Variants in CLINT1 observed in about 807,000 individuals in gnomAD.
The protein encoded by CLINT1 is clathrin interacting protein localized in the trans-Golgi region.
Under a neutral mutation model 70.4 loss-of-function variants are expected in CLINT1, and 15 were observed. That is an observed-to-expected ratio of 0.21 (90% CI 0.14 to 0.33). CLINT1 has a LOEUF of 0.33. Ranked by LOEUF, CLINT1 falls within the 10% of genes least tolerant of loss-of-function variation. The pLI is 1.00. For missense variants in CLINT1, 615 were observed against 778.1 expected, an observed-to-expected ratio of 0.79 and a Z score of 2.49; for synonymous variants, 227 against 254.7, an observed-to-expected ratio of 0.89 and a Z score of 1.04.
intron 8 of CLINT1, among the ~76,000 whole-genome samples, chr5:157,799,240 A>G (rs1762146229): frequency 6.6e-6 from 1 of 152,126 alleles, no homozygotes; most frequent in African/African-American, 2.4e-5. Context: ...TTTTATTTTC[A>G]GTAAACTTAG....
chr5:157,847,808 C>T (rs1200209564), intron 1 of CLINT1, among the ~76,000 whole-genome samples: 2 of 152,110 alleles, frequency 1.3e-5, no homozygotes, highest in Non-Finnish European at 2.9e-5. Context: ...AAAATGACAA[C>T]AAAGATTTTT....
chr5:157,805,726 A>T (rs1581490160), intron 7 of CLINT1, 140 bp downstream of exon 7: 2 of 1,027,898 alleles, frequency 1.9e-6, no homozygotes, highest in East Asian at 2.6e-5. Context: ...CTTATTATTA[A>T]TGTCTCTTGG....
rs1374581958 is a variant in CLINT1, at chr5:157,787,428, G to A, written c.*218C>T. 1.7e-6 allele frequency: 1 copy of A among 580,316 alleles called. No individual in the cohort carries two copies. The highest frequency in any genetic ancestry group is 3.1e-5 in the Admixed American group (1 of 32,364). 35.9% of individuals were successfully genotyped at this position (580,316 alleles called of 1,614,324 possible). A position where few individuals can be genotyped will look rare whatever the true frequency, so the allele number is the denominator to read the frequency against. On this transcript the variant is annotated 3_prime_UTR_variant, in exon 12 of 12. Coordinates refer to ENST00000411809, the MANE Select transcript of CLINT1 (RefSeq NM_014666.4). ...ACCCACTTGTGGTCTATCCTCACTG[G>A]AAAAAAATGATTTTGACTGCCTCAT...
At chr5:157,830,792 C>CTATATATATA (rs1401102671) in intron 1 of CLINT1, among the ~76,000 whole-genome samples, 2 of 116,450 alleles carry the variant, frequency 1.7e-5, no homozygotes, top group African/African-American at 7.1e-5. Flanking sequence ...CTCTCTCTCT[C>CTATATATATA]TCTCTATATA....
Position 157,787,020 on chromosome 5 carries a change from A to AAG in CLINT1, c.*624_*625dup, listed in dbSNP as rs1049192148. 6.5e-6 allele frequency: 1 copy of AAG among 152,716 alleles called. No individual in the cohort carries two copies. The highest frequency in any genetic ancestry group is 2.4e-5 in the African/African-American group (1 of 41,460). The allele number at this position is 152,716 out of a possible 1,614,324, so 9.5% of individuals were successfully genotyped here. Reference sequence around the variant, plus strand: ...TCCCATGGCAATCACCAATTGCTTAAAGAGGTTTTGTTACAATAAAAATTT... The same window carrying AAG: ...TCCCATGGCAATCACCAATTGCTTAAAGAGAGGTTTTGTTACAATAAAAATTT... On this transcript the variant is annotated 3_prime_UTR_variant, in exon 12 of 12. Transcript: ENST00000411809.
chr5:157,843,736 T>C (rs534386502), intron 1 of CLINT1, among the ~76,000 whole-genome samples: 50 of 152,280 alleles, frequency 3.3e-4, no homozygotes, highest in Admixed American at 7.8e-4. Context: ...ATCTTGTTCC[T>C]CAGGACAACA....
chr5:157,794,984 G>GA lies in CLINT1; in HGVS notation c.1013-13dup, dbSNP rs377172414. The GA allele has an allele frequency of 1.3e-4, 208 of 1,549,282 alleles. No homozygotes were observed. In the African/African-American group the frequency reaches 2.5e-3, roughly 19 times the overall value. Reference sequence around the variant, plus strand: ...ATCAGCTGATCCTCCTAGAAGTTAAGAAAAAGTTAAAACTGTTAGAACTAG... The same window carrying GA: ...ATCAGCTGATCCTCCTAGAAGTTAAGAAAAAAGTTAAAACTGTTAGAACTAG... On this transcript the variant is annotated splice_polypyrimidine_tract_variant and intron_variant, in intron 8 of 11. Coordinates refer to ENST00000411809, the MANE Select transcript of CLINT1 (RefSeq NM_014666.4).
chr5:157,820,822 A>G (rs1369076962), intron 1 of CLINT1, among the ~76,000 whole-genome samples: 1 of 152,206 alleles, frequency 6.6e-6, no homozygotes, highest in African/African-American at 2.4e-5. Flanking sequence ...ATGTTTTAAG[A>G]ATATATCACA....
At chr5:157,795,181 T>C (rs1015426380) in intron 8 of CLINT1, 5 of 539,518 alleles carry the variant, frequency 9.3e-6, no homozygotes, top group Non-Finnish European at 1.6e-5. Flanking sequence ...CAGTCCTATA[T>C]CTAGTAAGAT....
At chr5:157,809,515 C>T in intron 6 of CLINT1, 113 bp downstream of exon 6, 1 of 700,828 alleles carries the variant, frequency 1.4e-6, no homozygotes, top group African/African-American at 1.9e-5. Context: ...AAAAAAAAGG[C>T]CCAATTTCAG....
At chr5:157,801,776 G>A (rs1762229586) in intron 8 of CLINT1, among the ~76,000 whole-genome samples, 1 of 152,094 alleles carries the variant, frequency 6.6e-6, no homozygotes, top group Non-Finnish European at 1.5e-5. Context: ...CCTAATCCAA[G>A]AATTTTAACA....
At chr5:157,803,010 GC>G (rs2113166599) in intron 8 of CLINT1, among the ~76,000 whole-genome samples, 1 of 152,234 alleles carries the variant, frequency 6.6e-6, no homozygotes, top group South Asian at 2.1e-4. Flanking sequence ...TTTTTTACAA[GC>G]ACCCAGATCA....
intron 1 of CLINT1, among the ~76,000 whole-genome samples, chr5:157,830,786 C>CTATA (rs1401664750): frequency 1.5e-5 from 2 of 132,544 alleles, no homozygotes; most frequent in African/African-American, 5.7e-5. Context: ...CTCTCTCTCT[C>CTATA]TCTCTCTCTC....
At chr5:157,805,440 C>T (rs1331254347) in intron 7 of CLINT1, among the ~76,000 whole-genome samples, 5 of 152,170 alleles carry the variant, frequency 3.3e-5, no homozygotes, top group Non-Finnish European at 5.9e-5. Context: ...ACACGCCTCC[C>T]TTTATAGGCA....
intron 1 of CLINT1, chr5:157,823,894 G>A (rs966811877): frequency 2.6e-5 from 4 of 154,190 alleles, no homozygotes; most frequent in Non-Finnish European, 5.7e-5. Flanking sequence ...GGCCTTAGGA[G>A]CGTGAACCCT....
At position 157,818,603 on chromosome 5, in the gene CLINT1, C is replaced by T. The variant is rs755834567; in HGVS notation, c.42-1056G>A. On this transcript the variant is annotated intron_variant, in intron 1 of 11. Coordinates refer to ENST00000411809, the MANE Select transcript of CLINT1 (RefSeq NM_014666.4). ...GGTCAAGGCTTCAGGGAGCCATGAC[C>T]GCCCAACTGTACCCCAGCCTGGGCA... 3.3e-5 allele frequency among the ~76,000 whole-genome samples: 5 copies of T among 151,582 alleles called. No individual in the cohort carries two copies. In the South Asian group the frequency reaches 8.3e-4, roughly 25 times the overall value.
intron 6 of CLINT1, among the ~76,000 whole-genome samples, chr5:157,808,416 C>T (rs895291444): frequency 1.3e-5 from 2 of 152,078 alleles, no homozygotes; most frequent in African/African-American, 4.8e-5. Flanking sequence ...CACTTGAAGG[C>T]TTGGTTCCAT....
chr5:157,790,284 T>A, intron 10 of CLINT1: 1 of 170,718 alleles, frequency 5.9e-6, no homozygotes, highest in Non-Finnish European at 1.3e-5. Flanking sequence ...AAAAAGCAAT[T>A]TATATTTCAC....
intron 7 of CLINT1, among the ~76,000 whole-genome samples, chr5:157,804,834 G>A (rs1416091066): frequency 6.6e-6 from 1 of 152,070 alleles, no homozygotes; most frequent in Admixed American, 6.5e-5. Context: ...GGCTGAGGCA[G>A]GAGAATCACT....
Sources: gnomAD v4.1 joint callset for allele counts (sites outside exome capture counted in the v4.1 genomes callset) on GRCh38, gnomAD v4.1.1 for gene constraint, MANE v1.5 for transcripts, NCBI Gene and HGNC (gene_info 2026-07-23, HGNC 2026-07-21) for gene names.